SENP5: variants seen among roughly 807,000 people sequenced by gnomAD.
The protein encoded by SENP5 is SUMO specific peptidase 5.
Under a neutral mutation model 74.2 loss-of-function variants are expected in SENP5, and 21 were observed. The observed-to-expected ratio is 0.28, with a 90% CI of 0.20 to 0.41. The LOEUF (loss-of-function observed/expected upper bound fraction) is 0.41. Ranked by LOEUF, SENP5 falls within the 10% of genes least tolerant of loss-of-function variation. SENP5 has a pLI of 1.00. For missense variants in SENP5, 717 were observed against 889.1 expected, an observed-to-expected ratio of 0.81 and a Z score of 2.46; for synonymous variants, 311 against 312.7, an observed-to-expected ratio of 0.99 and a Z score of 0.06.
In SENP5 at chr3:196,913,657, T is replaced by C. The variant is rs2108851384; in HGVS notation, c.1885-9757T>C. Among the ~76,000 whole-genome samples the C allele has an allele frequency of 1.4e-5, 2 of 144,268 alleles. 1 individual carries two copies. The highest frequency in any genetic ancestry group is 4.0e-4 in the East Asian group (2 of 5,062). The allele number at this position is 144,268 out of a possible 152,430, so 94.6% of individuals were successfully genotyped here. A position where few individuals can be genotyped will look rare whatever the true frequency, so the allele number is the denominator to read the frequency against. On this transcript the variant is annotated intron_variant, in intron 6 of 9. Coordinates refer to ENST00000323460, the MANE Select transcript of SENP5 (RefSeq NM_152699.5). The stretch of plus-strand genomic sequence containing the variant: ...GGTTTATAAGAAAGGCTTTTTTTTT[T>C]TTTTTTTTTTTTGATGGAGTGTTGC...
chr3:196,921,059 A>G (rs1181562826), intron 6 of SENP5, among the ~76,000 whole-genome samples: 1 of 152,184 alleles, frequency 6.6e-6, no homozygotes, highest in Non-Finnish European at 1.5e-5. Flanking sequence ...TACAGGTTAA[A>G]TATCCCTTAT....
At chr3:196,881,662 C>T (rs1037220339) in intron 1 of SENP5, among the ~76,000 whole-genome samples, 1 of 151,760 alleles carries the variant, frequency 6.6e-6, no homozygotes, top group Non-Finnish European at 1.5e-5. Flanking sequence ...GATATTAGGC[C>T]TTTATGATAC....
chr3:196,872,623 G>A (rs934689123), intron 1 of SENP5, among the ~76,000 whole-genome samples: 9 of 152,122 alleles, frequency 5.9e-5, no homozygotes, highest in Admixed American at 3.3e-4. Flanking sequence ...AAGCTGCTAC[G>A]TGTGGTTAGT....
At chr3:196,929,952 T>G (rs1401357585) in intron 9 of SENP5, among the ~76,000 whole-genome samples, 2 of 150,188 alleles carry the variant, frequency 1.3e-5, no homozygotes, top group Non-Finnish European at 2.9e-5. Context: ...GAGACTGACT[T>G]GAATTTGTCC....
intron 5 of SENP5, among the ~76,000 whole-genome samples, chr3:196,901,800 T>G (rs1345684787): frequency 6.6e-6 from 1 of 152,250 alleles, no homozygotes; most frequent in Non-Finnish European, 1.5e-5. Context: ...AAAGTATTAA[T>G]TTCAAGGGTT....
At chr3:196,875,789 G>T (rs1713437853) in intron 1 of SENP5, among the ~76,000 whole-genome samples, 1 of 151,914 alleles carries the variant, frequency 6.6e-6, no homozygotes, top group South Asian at 2.1e-4. Context: ...GAGTACAGTG[G>T]TGTGATCATA....
intron 6 of SENP5, chr3:196,914,413 G>A (rs1391909744): frequency 2.6e-5 from 4 of 150,998 alleles, no homozygotes; most frequent in Non-Finnish European, 5.9e-5. Flanking sequence ...AAAGTAGGTA[G>A]GGGTAAAATA....
intron 2 of SENP5, among the ~76,000 whole-genome samples, chr3:196,894,870 A>G (rs1423212283): frequency 6.6e-6 from 1 of 152,118 alleles, no homozygotes; most frequent in Non-Finnish European, 1.5e-5. Flanking sequence ...TTGTTGTTGC[A>G]TTATATTTAT....
chr3:196,914,586 A>AAATATATAT, intron 6 of SENP5: 1 of 33,502 alleles, frequency 3.0e-5, no homozygotes, highest in African/African-American at 1.8e-4. Flanking sequence ...AAAAAAAAAA[A>AAATATATAT]ATATATATAT....
chr3:196,874,618 C>T (rs887106620), intron 1 of SENP5, among the ~76,000 whole-genome samples: 1 of 152,096 alleles, frequency 6.6e-6, no homozygotes, highest in African/African-American at 2.4e-5. Context: ...CAGCTGGGCA[C>T]ACCTGTAATC....
chr3:196,884,854 G>C (rs1713883634), intron 1 of SENP5, among the ~76,000 whole-genome samples: 1 of 152,048 alleles, frequency 6.6e-6, no homozygotes, highest in Non-Finnish European at 1.5e-5. Flanking sequence ...TGGCTTCCCA[G>C]AGTGCTGGGA....
chr3:196,915,107 C>T (rs1392465448), intron 6 of SENP5, among the ~76,000 whole-genome samples: 1 of 152,228 alleles, frequency 6.6e-6, no homozygotes, highest in Non-Finnish European at 1.5e-5. Context: ...GCTAGTTCCA[C>T]CACCAGTTGA....
At position 196,932,763 on chromosome 3, in the gene SENP5, G is replaced by T. The variant is rs947527812; in HGVS notation, c.*1840G>T. ...TTTTTTTTTTTTTTTTTTTGTGGGG[G>T]TGTGGTATACCAAAGTAGCCAGTCA... On this transcript the variant is annotated 3_prime_UTR_variant, in exon 10 of 10. Transcript: ENST00000323460. 9 of 140,058 alleles carry T rather than the reference G, an allele frequency of 6.4e-5. No individual in the cohort carries two copies. Among genetic ancestry groups the T allele is most frequent in the African/African-American group, 2.4e-4 (9 of 36,806 alleles). The allele number at this position is 140,058 out of a possible 1,614,324, so 8.7% of individuals were successfully genotyped here. A position where few individuals can be genotyped will look rare whatever the true frequency, so the allele number is the denominator to read the frequency against.
At chr3:196,888,285 A>G (rs186663888) in intron 2 of SENP5, among the ~76,000 whole-genome samples, 1 of 152,310 alleles carries the variant, frequency 6.6e-6, no homozygotes, top group African/African-American at 2.4e-5. Flanking sequence ...AAAGATGTCT[A>G]TATAAAGTGA....
At chr3:196,905,445 C>G (rs1714864326) in intron 6 of SENP5, among the ~76,000 whole-genome samples, 1 of 152,184 alleles carries the variant, frequency 6.6e-6, no homozygotes, top group Non-Finnish European at 1.5e-5. Flanking sequence ...ACTTCAGACA[C>G]CAGTTGCAAG....
At chr3:196,902,315 C>T (rs1714733626) in intron 5 of SENP5, among the ~76,000 whole-genome samples, 1 of 152,106 alleles carries the variant, frequency 6.6e-6, no homozygotes, top group Admixed American at 6.6e-5. Context: ...TTGGTAGAGC[C>T]AGGAGTCTTG....
At chr3:196,927,157 T>C (rs1170581350) in intron 7 of SENP5, among the ~76,000 whole-genome samples, 2 of 152,206 alleles carry the variant, frequency 1.3e-5, no homozygotes, top group Non-Finnish European at 2.9e-5. Context: ...AATGTTAACC[T>C]TTTCTGCAGC....
intron 2 of SENP5, among the ~76,000 whole-genome samples, chr3:196,892,147 T>C (rs1463607402): frequency 1.3e-5 from 2 of 150,440 alleles, no homozygotes; most frequent in Non-Finnish European, 3.0e-5. Context: ...TTTTAAGTTT[T>C]TGGTTTCTTT....
intron 6 of SENP5, chr3:196,913,094 CAA>C (rs987166192): frequency 2.6e-5 from 4 of 151,906 alleles, no homozygotes; most frequent in Admixed American, 1.3e-4. Context: ...AAAACAGAAA[CAA>C]GAGGACCTTG....
Sources: gnomAD v4.1 joint callset for allele counts (sites outside exome capture counted in the v4.1 genomes callset) on GRCh38, gnomAD v4.1.1 for gene constraint, MANE v1.5 for transcripts, NCBI Gene and HGNC (gene_info 2026-07-23, HGNC 2026-07-21) for gene names.